Variants in ALK observed in about 807,000 individuals in gnomAD.
The protein encoded by ALK is ALK receptor tyrosine kinase.
Under a neutral mutation model 163.1 loss-of-function variants are expected in ALK, and 74 were observed. That is an observed-to-expected ratio of 0.45 (90% CI 0.38 to 0.55). The LOEUF (loss-of-function observed/expected upper bound fraction) is 0.55. Among genes scored for constraint, ALK ranks in the 20% least tolerant of loss-of-function variants. ALK has a pLI of 0.00. For missense variants in ALK, 2,063 were observed against 2,105.3 expected, an observed-to-expected ratio of 0.98 and a Z score of 0.39; for synonymous variants, 960 against 843.2, an observed-to-expected ratio of 1.14 and a Z score of -2.40.
At chr2:29,737,471 G>C (rs940939909) in intron 1 of ALK, among the ~76,000 whole-genome samples, 1 of 152,038 alleles carries the variant, frequency 6.6e-6, no homozygotes, top group Non-Finnish European at 1.5e-5. Context: ...CCAAGCTCTG[G>C]ATAGCTAGCA....
chr2:29,788,027 T>C (rs1664087587), intron 1 of ALK, among the ~76,000 whole-genome samples: 1 of 152,018 alleles, frequency 6.6e-6, no homozygotes, highest in East Asian at 1.9e-4. Context: ...GGGATTTGTA[T>C]AAAGGCAAAA....
At position 29,914,118 on chromosome 2, in the gene ALK, T is replaced by C. The variant is rs141579755; in HGVS notation, c.667+5875A>G. On this transcript the variant is annotated intron_variant, in intron 1 of 28. Coordinates refer to ENST00000389048, the MANE Select transcript of ALK (RefSeq NM_004304.5). ...CTGGATTGCGAATATGCTGGTGGAC[T>C]CTTTGAACTGAATCCAAAGTCAAAA... is the stretch of plus-strand genomic sequence containing the variant. Among the ~76,000 whole-genome samples the C allele has an allele frequency of 8.0e-3, 1,226 of 152,332 alleles. 15 individuals are homozygous for C. Among genetic ancestry groups the C allele is most frequent in the African/African-American group, 0.028 (1,170 of 41,560 alleles).
intron 3 of ALK, among the ~76,000 whole-genome samples, chr2:29,615,711 C>T (rs751860163): frequency 3.9e-5 from 6 of 152,194 alleles, no homozygotes; most frequent in East Asian, 1.9e-4. Context: ...TCTAATCTCA[C>T]GTCACCATGG....
At chr2:29,848,119 G>T (rs1436972323) in intron 1 of ALK, among the ~76,000 whole-genome samples, 1 of 152,134 alleles carries the variant, frequency 6.6e-6, no homozygotes, top group Non-Finnish European at 1.5e-5. Context: ...TGGGGGATCA[G>T]GGGCAGCGGG....
intron 5 of ALK, among the ~76,000 whole-genome samples, chr2:29,367,786 T>A (rs1260575175): frequency 6.6e-6 from 1 of 152,226 alleles, no homozygotes; most frequent in South Asian, 2.1e-4. Flanking sequence ...CAGGGGAGAA[T>A]CTAGAATCTA....
At chr2:29,420,998 G>A (rs1442547368) in intron 4 of ALK, among the ~76,000 whole-genome samples, 1 of 151,580 alleles carries the variant, frequency 6.6e-6, no homozygotes, top group Non-Finnish European at 1.5e-5. Context: ...ATGGCCAGGA[G>A]CTACTGGTGG....
chr2:29,538,636 T>C (rs1673326958), intron 3 of ALK, among the ~76,000 whole-genome samples: 2 of 152,194 alleles, frequency 1.3e-5, no homozygotes, highest in Admixed American at 1.3e-4. Context: ...CTAATACACA[T>C]GACAAGGAAT....
rs1174649314 is a variant in ALK, at chr2:29,889,551, G to A, written c.667+30442C>T. Among the ~76,000 whole-genome samples, 4 of 152,158 alleles carry A rather than the reference G, an allele frequency of 2.6e-5. No homozygotes were observed. In the South Asian group the frequency reaches 8.3e-4, roughly 32 times the overall value. On this transcript the variant is annotated intron_variant, in intron 1 of 28. Transcript: ENST00000389048. The stretch of plus-strand genomic sequence containing the variant: ...TAGATAGATAGATAGTAGTGGGGAG[G>A]CTGTGGAGAGAAAGTGACAGCCGAG...
At chr2:29,833,800 G>A (rs1396724048) in intron 1 of ALK, among the ~76,000 whole-genome samples, 1 of 152,182 alleles carries the variant, frequency 6.6e-6, no homozygotes, top group Non-Finnish European at 1.5e-5. Flanking sequence ...TCTCAAGCAT[G>A]CAGCATCTCC....
At chr2:29,321,651 G>A (rs556699027) in intron 6 of ALK, among the ~76,000 whole-genome samples, 2 of 152,246 alleles carry the variant, frequency 1.3e-5, no homozygotes, top group South Asian at 2.1e-4. Context: ...ATTGACGGAG[G>A]AGCCTCTGCC....
Sources: allele counts gnomAD v4.1 joint callset (sites outside exome capture counted in the v4.1 genomes callset), GRCh38; gene constraint gnomAD v4.1.1; transcripts MANE v1.5; gene names NCBI Gene and HGNC (gene_info 2026-07-23, HGNC 2026-07-21).